KANSL1L: variants seen among roughly 807,000 people sequenced by gnomAD.
KANSL1L encodes the protein KAT8 regulatory NSL complex subunit 1-like protein.
In KANSL1L, 25 loss-of-function variants were observed where a neutral mutation model predicts 108.6. That is an observed-to-expected ratio of 0.23 (90% confidence interval 0.17 to 0.32). The LOEUF is 0.32. Among genes scored for constraint, KANSL1L ranks in the 10% least tolerant of loss-of-function variants. The pLI, the probability that KANSL1L is intolerant of heterozygous loss-of-function variation, is 1.00. For synonymous variants in KANSL1L, 405 were observed against 395.1 expected (o/e 1.03, Z -0.30); for missense variants, 1,137 against 1,125.7 (o/e 1.01, Z -0.14).
At chr2:210,133,958 C>T (rs888070734) in intron 2 of KANSL1L, among the ~76,000 whole-genome samples, 9 of 152,076 alleles carry the variant, frequency 5.9e-5, no homozygotes, top group East Asian at 3.9e-4. Flanking sequence ...TTCTTTAGTG[C>T]GTGTATACTG....
At chr2:210,090,152 CATT>C (rs1368673289) in intron 5 of KANSL1L, among the ~76,000 whole-genome samples, 5 of 152,138 alleles carry the variant, frequency 3.3e-5, no homozygotes, top group Admixed American at 1.3e-4. Flanking sequence ...CAATGGCTAA[CATT>C]ATTAGGCTGT....
intron 2 of KANSL1L, among the ~76,000 whole-genome samples, chr2:210,150,554 C>G (rs928699399): frequency 6.6e-6 from 1 of 151,940 alleles, no homozygotes; most frequent in African/African-American, 2.4e-5. Flanking sequence ...AGGCCAAGGT[C>G]AGCAGATTAC....
At chr2:210,037,735 A>C (rs1247232849) in intron 8 of KANSL1L, among the ~76,000 whole-genome samples, 1 of 152,172 alleles carries the variant, frequency 6.6e-6, no homozygotes, top group Non-Finnish European at 1.5e-5. Flanking sequence ...CTTTTCATCT[A>C]CATATATGTT....
intron 2 of KANSL1L, among the ~76,000 whole-genome samples, chr2:210,129,990 C>A (rs200833174): frequency 5.8e-3 from 779 of 135,174 alleles, no homozygotes; most frequent in South Asian, 7.0e-3. Flanking sequence ...ATGCAGATTG[C>A]AAAAAAAAAA....
intron 2 of KANSL1L, among the ~76,000 whole-genome samples, chr2:210,130,845 T>G (rs1317580631): frequency 0.033 from 1 of 30 alleles, no homozygotes; most frequent in Admixed American, 0.5. Context: ...GTGGTAACAA[T>G]TTTTTTTTTT....
chr2:210,061,151 A>G (rs1156974417), intron 6 of KANSL1L, among the ~76,000 whole-genome samples: 1 of 152,252 alleles, frequency 6.6e-6, no homozygotes, highest in Non-Finnish European at 1.5e-5. Flanking sequence ...TTTATTAACT[A>G]AAATCTTATA....
chr2:210,161,596 A>G (rs1181958005), intron 1 of KANSL1L, among the ~76,000 whole-genome samples: 1 of 152,172 alleles, frequency 6.6e-6, no homozygotes, highest in Non-Finnish European at 1.5e-5. Flanking sequence ...TAAATACTAA[A>G]TAAACTTTTT....
chr2:210,078,348 C>G lies in KANSL1L; in HGVS notation c.1551-2592G>C, dbSNP rs186834138. Among the ~76,000 whole-genome samples, 186 of 152,220 alleles carry G rather than the reference C, an allele frequency of 1.2e-3. 1 individual carries two copies. Among genetic ancestry groups the G allele is most frequent in the African/African-American group, 4.2e-3 (175 of 41,546 alleles). ...ATTACAGTATACAATTTTTAAATTT[C>G]TAAGGGGGCTAACATATTACCAGAG... On this transcript the variant is annotated intron_variant, in intron 5 of 14. Transcript: ENST00000281772.
At chr2:210,085,624 A>G (rs1427401196) in intron 5 of KANSL1L, among the ~76,000 whole-genome samples, 1 of 152,054 alleles carries the variant, frequency 6.6e-6, no homozygotes, top group East Asian at 1.9e-4. Flanking sequence ...TCAAAATCCC[A>G]TCTTCTCAAC....
intron 6 of KANSL1L, among the ~76,000 whole-genome samples, chr2:210,053,865 A>G (rs1296340306): frequency 6.6e-6 from 1 of 152,078 alleles, no homozygotes; most frequent in African/African-American, 2.4e-5. Flanking sequence ...CCTAATATAG[A>G]TAAAGAGCTC....
intron 2 of KANSL1L, among the ~76,000 whole-genome samples, chr2:210,136,580 C>T (rs780374221): frequency 6.6e-6 from 1 of 152,150 alleles, no homozygotes. Flanking sequence ...CACTTTTGTT[C>T]AGGAAGCCAG....
chr2:210,088,469 C>G (rs2094660533), intron 5 of KANSL1L: 1 of 152,284 alleles, frequency 6.6e-6, no homozygotes, highest in African/African-American at 2.4e-5. Context: ...GAGGTTCTTG[C>G]AGCCATTAGA....
intron 5 of KANSL1L, among the ~76,000 whole-genome samples, chr2:210,079,614 A>ATG (rs1559539492): frequency 0.1 from 202 of 1,964 alleles, 3 homozygotes; most frequent in Non-Finnish European, 0.26. Flanking sequence ...ATGTATGTGT[A>ATG]TATATATATA....
rs367609630 is a variant in KANSL1L, at chr2:210,106,762, CA to C, written c.1231-2462del. Among the ~76,000 whole-genome samples, 548 of 123,428 alleles carry C rather than the reference CA, an allele frequency of 4.4e-3. 3 individuals are homozygous for C. Among genetic ancestry groups the C allele is most frequent in the East Asian group, 8.4e-3 (36 of 4,298 alleles). The allele number at this position is 123,428 out of a possible 152,430, so 81.0% of individuals were successfully genotyped here. The stretch of plus-strand genomic sequence containing the variant: ...CCAGCCTGGGTGACAGAGACTCTGT[CA>C]AAAAAAAAAAAAAAAATTAAAATTC... On this transcript the variant is annotated intron_variant, in intron 3 of 14. Transcript: ENST00000281772.
intron 4 of KANSL1L, among the ~76,000 whole-genome samples, chr2:210,100,641 GTTTT>G (rs1341319636): frequency 6.6e-6 from 1 of 152,146 alleles, no homozygotes; most frequent in South Asian, 2.1e-4. Flanking sequence ...TCCTCAACAA[GTTTT>G]TTTGTTTGTT....
At chr2:210,170,411 TGCCTGCCCTCCCGACTG>T in intron 1 of KANSL1L, 1 of 984,850 alleles carries the variant, frequency 1.0e-6, no homozygotes, top group East Asian at 1.1e-4. Flanking sequence ...GTCCATCCAG[TGCCTGCCCTCCCGACTG>T]CAAAGCCAGC....
intron 5 of KANSL1L, chr2:210,088,459 G>C (rs890398946): frequency 6.6e-6 from 1 of 152,266 alleles, no homozygotes; most frequent in African/African-American, 2.4e-5. Context: ...AAAACAGAAA[G>C]AGGTTCTTGC....
chr2:210,097,893 T>C, intron 5 of KANSL1L, 193 bp downstream of exon 5: 1 of 334,372 alleles, frequency 3.0e-6, no homozygotes, highest in Non-Finnish European at 5.4e-6. Context: ...CCCTCATTCC[T>C]AGATTTATCA....
chr2:210,142,668 A>G lies in KANSL1L; in HGVS notation c.1088+10827T>C, dbSNP rs189269869. ...CCATAGTTTTGTAAACTGTGTTTCC[A>G]TTTTCATTTCTCTCAAGATATTTTA... On this transcript the variant is annotated intron_variant, in intron 2 of 14. Coordinates refer to ENST00000281772, the MANE Select transcript of KANSL1L (RefSeq NM_152519.4). Among the ~76,000 whole-genome samples, 187 of 151,996 alleles carry G rather than the reference A, an allele frequency of 1.2e-3. 1 individual carries two copies. The highest frequency in any genetic ancestry group is 4.2e-3 in the African/African-American group (176 of 41,480).
Sources: gnomAD v4.1 joint callset for allele counts (sites outside exome capture counted in the v4.1 genomes callset) on GRCh38, gnomAD v4.1.1 for gene constraint, MANE v1.5 for transcripts, NCBI Gene and HGNC (gene_info 2026-07-23, HGNC 2026-07-21) for gene names.